The following SYNPR variants were observed in gnomAD, a reference collection of about 807,000 sequenced individuals.
SYNPR encodes synaptoporin.
SYNPR carries 23 observed loss-of-function variants against 32.9 expected under a neutral mutation model. The observed-to-expected ratio is 0.70, with a 90% CI of 0.50 to 0.99. SYNPR has a LOEUF of 0.99. Among genes scored for constraint, SYNPR ranks in the 50% least tolerant of loss-of-function variants. The pLI is 0.00. For synonymous variants in SYNPR, 146 were observed against 135.9 expected (o/e 1.07, Z -0.52); for missense variants, 318 against 349.3 (o/e 0.91, Z 0.71).
At chr3:63,252,047 A>G (rs992605100) in intron 1 of SYNPR, among the ~76,000 whole-genome samples, 6 of 152,020 alleles carry the variant, frequency 3.9e-5, no homozygotes, top group African/African-American at 1.4e-4. Context: ...ACCATGGAGT[A>G]TTATGTATCT....
chr3:63,606,894 T>C (rs1347648765), intron 4 of SYNPR, among the ~76,000 whole-genome samples: 3 of 152,204 alleles, frequency 2.0e-5, no homozygotes, highest in Non-Finnish European at 4.4e-5. Flanking sequence ...GATTGGTATC[T>C]ATTTCATGGT....
At chr3:63,452,276 C>T (rs1351888077) in intron 2 of SYNPR, among the ~76,000 whole-genome samples, 1 of 152,042 alleles carries the variant, frequency 6.6e-6, no homozygotes, top group South Asian at 2.1e-4. Flanking sequence ...GCAATCTAGT[C>T]GGGGGGACAG....
At chr3:63,547,605 C>T (rs143522706) in intron 3 of SYNPR, among the ~76,000 whole-genome samples, 285 of 152,188 alleles carry the variant, frequency 1.9e-3, no homozygotes, top group Middle Eastern at 0.01. Flanking sequence ...ATATATTCAT[C>T]CTATGAGAAC....
chr3:63,601,518 C>T (rs748293266), intron 4 of SYNPR, among the ~76,000 whole-genome samples: 1 of 152,042 alleles, frequency 6.6e-6, no homozygotes, highest in Non-Finnish European at 1.5e-5. Flanking sequence ...CTCAAGTAGA[C>T]CCTGGTTTCT....
intron 2 of SYNPR, among the ~76,000 whole-genome samples, chr3:63,337,068 C>A (rs1275398824): frequency 5.3e-5 from 8 of 151,648 alleles, no homozygotes; most frequent in African/African-American, 1.9e-4. Flanking sequence ...CTTGTCTCCA[C>A]TAAAAATCCA....
At chr3:63,201,716 TA>T in the SYNPR span, among the ~76,000 whole-genome samples, 2 of 122,052 alleles carry the variant, frequency 1.6e-5, no homozygotes, top group Non-Finnish European at 3.9e-5. Flanking sequence ...AATGTTTTGT[TA>T]TTTAAAAGAA....
chr3:63,371,898 G>A (rs1319347097), intron 2 of SYNPR, among the ~76,000 whole-genome samples: 1 of 152,068 alleles, frequency 6.6e-6, no homozygotes, highest in African/African-American at 2.4e-5. Flanking sequence ...GATGGGGAAG[G>A]AACAAAGGAC....
intron 2 of SYNPR, among the ~76,000 whole-genome samples, chr3:63,380,875 G>A (rs939643612): frequency 7.2e-5 from 11 of 152,074 alleles, no homozygotes; most frequent in East Asian, 1.9e-4. Flanking sequence ...AAAACTCTCA[G>A]TAAATTAGGT....
At chr3:63,220,221 A>G in the SYNPR span, among the ~76,000 whole-genome samples, 1 of 152,228 alleles carries the variant, frequency 6.6e-6, no homozygotes, top group African/African-American at 2.4e-5. Flanking sequence ...GTGACAAAAC[A>G]TAGGACTCAA....
chr3:63,303,606 TGTAA>T (rs2086879287), intron 2 of SYNPR, among the ~76,000 whole-genome samples: 1 of 152,070 alleles, frequency 6.6e-6, no homozygotes, highest in African/African-American at 2.4e-5. Context: ...TTACTGAATC[TGTAA>T]ATATTTATAC....
chr3:63,210,986 C>T, the SYNPR span, among the ~76,000 whole-genome samples: 1 of 152,316 alleles, frequency 6.6e-6, no homozygotes, highest in Admixed American at 6.5e-5. Context: ...TAAACGCTTG[C>T]TGCCACTATT....
rs186171216 is a variant in SYNPR at position 63,448,922 on chromosome 3, A to C, written c.85-31910A>C. 7.0e-3 allele frequency among the ~76,000 whole-genome samples: 1,065 copies of C among 152,316 alleles called. 10 individuals carry two copies. Among genetic ancestry groups the C allele is most frequent in the Non-Finnish European group, 9.4e-3 (642 of 68,012 alleles). On this transcript the variant is annotated intron_variant, in intron 2 of 5. Coordinates refer to ENST00000478300, the MANE Select transcript of SYNPR (RefSeq NM_001130003.2). ...CTTTTGGTCCTATATGTTCACACTC[A>C]GTGAAGGAACAAGAGTGAATCCACT...
At chr3:63,304,353 T>TG (rs2086887000) in intron 2 of SYNPR, among the ~76,000 whole-genome samples, 6 of 137,428 alleles carry the variant, frequency 4.4e-5, no homozygotes, top group African/African-American at 1.7e-4. Context: ...TGTGTGTGTG[T>TG]TTGTGTGTGT....
chr3:63,248,552 T>C (rs1575575340), intron 1 of SYNPR, among the ~76,000 whole-genome samples: 1 of 152,098 alleles, frequency 6.6e-6, no homozygotes, highest in East Asian at 1.9e-4. Flanking sequence ...AATCGAGGTG[T>C]TGAGAAAAAA....
chr3:63,222,011 A>ATTTTTTTTTTTTTTTTTTTTTTTTTT, the SYNPR span, among the ~76,000 whole-genome samples: 228 of 56,394 alleles, frequency 4.0e-3, 34 homozygotes, highest in Admixed American at 5.1e-3. Context: ...GCCATGCTCA[A>ATTTTTTTTTTTTTTTTTTTTTTTTTT]TTTTTTTTTT....
chr3:63,491,873 A>G (rs1407787544), intron 3 of SYNPR, among the ~76,000 whole-genome samples: 1 of 152,056 alleles, frequency 6.6e-6, no homozygotes, highest in East Asian at 1.9e-4. Flanking sequence ...ACTATCCTCA[A>G]TTTTGCCTTT....
In SYNPR at chr3:63,284,002, G is replaced by A. The variant is rs535958432; in HGVS notation, c.84+5260G>A. 1.3e-3 allele frequency among the ~76,000 whole-genome samples: 199 copies of A among 151,910 alleles called. 2 individuals carry two copies. The highest frequency in any genetic ancestry group is 4.0e-4 in the Non-Finnish European group (27 of 67,942). On this transcript the variant is annotated intron_variant, in intron 2 of 5. Transcript: ENST00000478300. ...TTTTTGTATTTTTAGTAGAGACAGG[G>A]TTTCACCGTGTTAGCCAGGATGGTC...
chr3:63,266,038 C>G (rs2086482952), intron 2 of SYNPR, among the ~76,000 whole-genome samples: 1 of 152,092 alleles, frequency 6.6e-6, no homozygotes, highest in South Asian at 2.1e-4. Flanking sequence ...AAAATTGATT[C>G]TAGAAACACA....
At chr3:63,475,295 A>G (rs1700879400) in intron 2 of SYNPR, among the ~76,000 whole-genome samples, 1 of 152,158 alleles carries the variant, frequency 6.6e-6, no homozygotes, top group Admixed American at 6.5e-5. Context: ...AGTTCATTGC[A>G]GGTGATTTAT....
Sources: allele counts gnomAD v4.1 joint callset (sites outside exome capture counted in the v4.1 genomes callset), GRCh38; gene constraint gnomAD v4.1.1; transcripts MANE v1.5; gene names NCBI Gene and HGNC (gene_info 2026-07-23, HGNC 2026-07-21).